The following BARD1 variants were observed in gnomAD, a reference collection of about 807,000 sequenced individuals.
The protein encoded by BARD1 is BRCA1-associated RING domain protein 1.
In BARD1, 73 loss-of-function variants were observed where a neutral mutation model predicts 77.0. That is an observed-to-expected ratio of 0.95 (90% CI 0.79 to 1.15). BARD1 has a LOEUF of 1.15. Among genes scored for constraint, BARD1 ranks in the 50% most tolerant of loss-of-function variants. The pLI, the probability that BARD1 is intolerant of heterozygous loss-of-function variation, is 0.00. For synonymous variants in BARD1, 384 were observed against 338.0 expected, an observed-to-expected ratio of 1.14 and a Z score of -1.49; for missense variants, 993 against 938.8, an observed-to-expected ratio of 1.06 and a Z score of -0.75.
At chr2:214,748,973 T>C (rs543865731) in intron 7 of BARD1, among the ~76,000 whole-genome samples, 3 of 152,302 alleles carry the variant, frequency 2.0e-5, no homozygotes, top group East Asian at 1.9e-4. Context: ...GTTTATATTC[T>C]AGTTGAGAGG....
In BARD1 at chr2:214,781,205, T is replaced by C. The variant is rs786201963; in HGVS notation, c.669A>G (p.Glu223=). 7 of 1,591,314 alleles carry C rather than the reference T, an allele frequency of 4.4e-6. No individual in the cohort carries two copies. The highest frequency in any genetic ancestry group is 6.0e-6 in the Non-Finnish European group (7 of 1,174,492). ...EINQKWNLEA[E]KEDGEFDSKE... is the part of the protein sequence containing the mutation. ...TGGAGTCAAATTCACCATCTTCTTT[T>C]TCTGCCTCTAAATTCCATTTTTGGT... The change falls in exon 4 of 11, where the codon GAA becomes GAG. Residue 223 remains glutamate, a synonymous_variant. Transcript: ENST00000260947.
At chr2:214,777,454 C>A (rs943923785) in intron 4 of BARD1, among the ~76,000 whole-genome samples, 1 of 152,176 alleles carries the variant, frequency 6.6e-6, no homozygotes, top group East Asian at 1.9e-4. Flanking sequence ...GGTGCATACA[C>A]CAAGGATGCT....
chr2:214,787,550 T>A lies in BARD1; in HGVS notation c.364+4747A>T, dbSNP rs994011992. On this transcript the variant is annotated intron_variant, in intron 3 of 10. Coordinates refer to ENST00000260947, the MANE Select transcript of BARD1 (RefSeq NM_000465.4). ...ATTATTAACAGCTACCAACAATTTT[T>A]ATGGGTGAATGCTTCTCAGCATGAT... 7.9e-5 allele frequency among the ~76,000 whole-genome samples: 12 copies of A among 151,970 alleles called. 1 individual carries two copies. The highest frequency in any genetic ancestry group is 1.5e-4 in the Non-Finnish European group (10 of 67,862).
At chr2:214,734,472 C>T (rs1427363012) in intron 9 of BARD1, among the ~76,000 whole-genome samples, 1 of 152,114 alleles carries the variant, frequency 6.6e-6, no homozygotes, top group African/African-American at 2.4e-5. Flanking sequence ...TCAGACAGAA[C>T]TCTCTTCTTA....
intron 6 of BARD1, among the ~76,000 whole-genome samples, chr2:214,766,124 T>G (rs772626186): frequency 2.0e-5 from 3 of 152,160 alleles, no homozygotes; most frequent in Non-Finnish European, 4.4e-5. Context: ...TAGGGAGACA[T>G]GAACCAAGTT....
At chr2:214,755,431 A>C (rs1693649793) in intron 6 of BARD1, among the ~76,000 whole-genome samples, 2 of 152,210 alleles carry the variant, frequency 1.3e-5, no homozygotes, top group South Asian at 4.1e-4. Flanking sequence ...TTACCAAACT[A>C]GGTGTTTTGG....
At chr2:214,732,400 T>C (rs891143097) in intron 9 of BARD1, among the ~76,000 whole-genome samples, 4 of 151,670 alleles carry the variant, frequency 2.6e-5, no homozygotes, top group Non-Finnish European at 5.9e-5. Context: ...TTTTTTTCTT[T>C]TTTTTTTTTT....
intron 3 of BARD1, among the ~76,000 whole-genome samples, chr2:214,783,593 A>T (rs1695139025): frequency 6.6e-6 from 1 of 152,154 alleles, no homozygotes; most frequent in Admixed American, 6.6e-5. Context: ...TGAGAGCATT[A>T]GGACAAATAC....
rs778519204 is a variant in BARD1, at chr2:214,809,683, T to C, written c.-114A>G. ...AAACCGGCCAAGCTCTTCCCGCGTCTGGGACGGCGGGCCGCCAGAGGGGCG... is the reference window on the plus strand; with the variant it reads ...AAACCGGCCAAGCTCTTCCCGCGTCCGGGACGGCGGGCCGCCAGAGGGGCG... On this transcript the variant is annotated 5_prime_UTR_variant, in exon 1 of 11. Coordinates refer to ENST00000260947, the MANE Select transcript of BARD1 (RefSeq NM_000465.4). The C allele has an allele frequency of 6.2e-5, 87 of 1,406,642 alleles. No homozygotes were observed. The highest frequency in any genetic ancestry group is 7.6e-5 in the Non-Finnish European group (79 of 1,041,932). 87.1% of individuals were successfully genotyped at this position (1,406,642 alleles called of 1,614,324 possible). A position where few individuals can be genotyped will look rare whatever the true frequency, so the allele number is the denominator to read the frequency against.
chr2:214,748,032 C>G (rs545737341), intron 7 of BARD1, among the ~76,000 whole-genome samples: 2 of 152,104 alleles, frequency 1.3e-5, no homozygotes, highest in East Asian at 3.9e-4. Context: ...GAACACATTA[C>G]TTCTCAATTT....
chr2:214,767,518 T>G lies in BARD1; in HGVS notation c.1532A>C (p.Lys511Thr), dbSNP rs2106076398. The change falls in exon 6 of 11, where the codon AAG becomes ACG. Residue 511 changes from lysine to threonine, a missense_variant. By Grantham distance (78) the Lys-to-Thr change is moderately conservative. Transcript: ENST00000260947. ...GGAGGCTCCATAGGAAAGTAACAGC[T>G]TGACTATATCCACATGCCCATTCTT... Reference protein sequence around the residue: ...AAKNGHVDIVKLLLSYGASRN... With the variant: ...AAKNGHVDIVTLLLSYGASRN... 1 of 1,614,012 alleles carries G rather than the reference T, an allele frequency of 6.2e-7. No homozygotes were observed. The highest frequency in any genetic ancestry group is 1.1e-5 in the South Asian group (1 of 91,076).
At chr2:214,747,229 G>A (rs1300360307) in intron 7 of BARD1, among the ~76,000 whole-genome samples, 1 of 152,072 alleles carries the variant, frequency 6.6e-6, no homozygotes, top group East Asian at 1.9e-4. Context: ...AGGATGTGGA[G>A]AAATAGGAAC....
intron 9 of BARD1, among the ~76,000 whole-genome samples, chr2:214,738,464 T>G (rs755762088): frequency 2.6e-5 from 4 of 152,112 alleles, no homozygotes; most frequent in Non-Finnish European, 5.9e-5. Context: ...ATAAAGAAAC[T>G]TGTACTGTAC....
intron 6 of BARD1, among the ~76,000 whole-genome samples, chr2:214,763,288 A>G (rs1295122431): frequency 1.3e-5 from 2 of 152,126 alleles, no homozygotes; most frequent in East Asian, 3.9e-4. Context: ...AGACTTTCAT[A>G]CTACTGTGAG....
At chr2:214,799,376 G>A (rs185051612) in intron 1 of BARD1, among the ~76,000 whole-genome samples, 3,057 of 152,204 alleles carry the variant, frequency 0.02, 87 homozygotes, top group African/African-American at 0.067. Flanking sequence ...CTCTACCAAA[G>A]TAATGTATTC....
chr2:214,773,979 A>C (rs919411532), intron 4 of BARD1, among the ~76,000 whole-genome samples: 6 of 152,194 alleles, frequency 3.9e-5, no homozygotes, highest in Admixed American at 1.3e-4. Context: ...TTGTCATTTC[A>C]ACAGTGTTCA....
chr2:214,771,113 T>G (rs1394844062), intron 4 of BARD1, among the ~76,000 whole-genome samples: 8 of 152,154 alleles, frequency 5.3e-5, no homozygotes, highest in Admixed American at 2.0e-4. Flanking sequence ...GAAATTACAT[T>G]ATTATCACCA....
intron 3 of BARD1, among the ~76,000 whole-genome samples, chr2:214,782,561 T>A (rs1031272571): frequency 6.6e-6 from 1 of 151,916 alleles, no homozygotes; most frequent in African/African-American, 2.4e-5. Context: ...CCATTGAGGG[T>A]AGACAGAATA....
intron 6 of BARD1, 78 bp downstream of exon 6, chr2:214,767,404 T>C: frequency 1.4e-6 from 2 of 1,419,208 alleles, no homozygotes; most frequent in Admixed American, 1.7e-5. Flanking sequence ...TTGACTATTT[T>C]AAAGTCTGCT....
Sources: gnomAD v4.1 joint callset for allele counts (sites outside exome capture counted in the v4.1 genomes callset) on GRCh38, gnomAD v4.1.1 for gene constraint, MANE v1.5 for transcripts, NCBI Gene and HGNC (gene_info 2026-07-23, HGNC 2026-07-21) for gene names.